Variants in IFT140 observed in about 807,000 individuals in gnomAD.
The protein encoded by IFT140 is intraflagellar transport protein 140 homolog.
A neutral mutation model predicts 164.6 loss-of-function variants in IFT140; 133 were observed. The ratio of observed to expected loss-of-function variants is 0.81; its 90% CI spans 0.70 to 0.93. The LOEUF is 0.93. Ranked by LOEUF, IFT140 falls within the 40% of genes least tolerant of loss-of-function variation. IFT140 has a pLI of 0.00. For synonymous variants in IFT140, 860 were observed against 817.3 expected (o/e 1.05, Z -0.89); for missense variants, 2,045 against 1,972.3 (o/e 1.04, Z -0.70).
chr16:1,524,348 C>G, intron 24 of IFT140: 1 of 694,244 alleles, frequency 1.4e-6, no homozygotes, highest in Non-Finnish European at 2.3e-6. Context: ...GGGGACAATT[C>G]AGTGCTTTGC....
chr16:1,540,477 C>A (rs1407108348), intron 19 of IFT140, among the ~76,000 whole-genome samples: 1 of 152,218 alleles, frequency 6.6e-6, no homozygotes, highest in East Asian at 1.9e-4. Flanking sequence ...CAGGCGTGCT[C>A]TGAGGAGGCA....
chr16:1,595,241 C>CAT (rs1567418045), intron 4 of IFT140, among the ~76,000 whole-genome samples: 1 of 151,916 alleles, frequency 6.6e-6, no homozygotes, highest in Non-Finnish European at 1.5e-5. Context: ...GCCGAGATGG[C>CAT]GCCACTGCAC....
At chr16:1,546,646 G>A (rs1231151834) in intron 19 of IFT140, among the ~76,000 whole-genome samples, 1 of 152,188 alleles carries the variant, frequency 6.6e-6, no homozygotes, top group Non-Finnish European at 1.5e-5. Context: ...TGTCTCCCTC[G>A]GGGGCGCAAA....
chr16:1,534,591 G>T (rs2030869646), intron 19 of IFT140: 1 of 1,596,202 alleles, frequency 6.3e-7, no homozygotes, highest in African/African-American at 1.3e-5. Flanking sequence ...CTTCAGCGTG[G>T]CCGAGGCTCG....
chr16:1,594,689 T>A (rs1392391310), intron 4 of IFT140, among the ~76,000 whole-genome samples: 5 of 151,620 alleles, frequency 3.3e-5, no homozygotes, highest in African/African-American at 4.9e-5. Context: ...GCGAGTGGAG[T>A]TCGGGAAGGG....
At position 1,564,117 on chromosome 16, in the gene IFT140, C is replaced by G; in HGVS notation, c.1947G>C (p.Val649=). The G allele has an allele frequency of 6.3e-7, 1 of 1,592,636 alleles. No homozygotes were observed. The highest frequency in any genetic ancestry group is 1.3e-5 in the African/African-American group (1 of 74,470). ...VDEGLKNYVP[V]NHFWDQSEPR... ...GCTCACTCTGGTCCCAGAAGTGGTTCACGGGAACATAATTTTTCAGTCCCT... is the reference window on the plus strand; with the variant it reads ...GCTCACTCTGGTCCCAGAAGTGGTTGACGGGAACATAATTTTTCAGTCCCT... Residue 649 remains valine (V), a synonymous_variant, in exon 17 of 31, where the codon GTG becomes GTC. Coordinates refer to ENST00000426508, the MANE Select transcript of IFT140 (RefSeq NM_014714.4). The surrounding 1 kb of genome is among the most constrained non-coding windows in gnomAD (Gnocchi z 5.5).
At chr16:1,539,948 A>C (rs2141275104) in intron 19 of IFT140, among the ~76,000 whole-genome samples, 2 of 152,322 alleles carry the variant, frequency 1.3e-5, no homozygotes, top group South Asian at 4.1e-4. Context: ...GGCGCCACCC[A>C]GGCCGGAGCG....
chr16:1,562,066 C>G lies in IFT140; in HGVS notation c.2118G>C (p.Leu706=). ...SFFISEEHGF[L]LHESFPRPAT... is the part of the protein sequence containing the mutation. ...CAGGCCGGGGGAAGCTCTCATGAAG[C>G]AGGAAGCCGTGCTCTTCGGAAATGA... Residue 706 remains leucine (L), a synonymous_variant, in exon 18 of 31, where the codon CTG becomes CTC. Coordinates refer to ENST00000426508, the MANE Select transcript of IFT140 (RefSeq NM_014714.4). 1 of 1,611,916 alleles carries G rather than the reference C, an allele frequency of 6.2e-7. No individual in the cohort carries two copies. The highest frequency in any genetic ancestry group is 8.5e-7 in the Non-Finnish European group (1 of 1,179,100).
intron 13 of IFT140, chr16:1,577,199 G>A (rs982454101): frequency 3.3e-5 from 5 of 152,162 alleles, no homozygotes; most frequent in African/African-American, 1.2e-4. Flanking sequence ...GATATGGACA[G>A]TAGATTCAGG....
intron 13 of IFT140, among the ~76,000 whole-genome samples, chr16:1,572,442 C>G (rs911846737): frequency 6.6e-6 from 1 of 152,076 alleles, no homozygotes; most frequent in Non-Finnish European, 1.5e-5. Flanking sequence ...GTCAGGAGAT[C>G]GAGACCATCC....
chr16:1,524,189 G>A (rs1432159818), intron 24 of IFT140: 2 of 632,902 alleles, frequency 3.2e-6, no homozygotes, highest in Non-Finnish European at 5.4e-6. Flanking sequence ...TGACACGGGA[G>A]ATGCTTCTGG....
At chr16:1,598,571 G>C (rs1039858954) in intron 4 of IFT140, among the ~76,000 whole-genome samples, 1 of 152,230 alleles carries the variant, frequency 6.6e-6, no homozygotes, top group Non-Finnish European at 1.5e-5. Flanking sequence ...AGCTGTTCTG[G>C]ATGAAAACAC....
At chr16:1,609,601 T>G (rs910002239) in intron 2 of IFT140, among the ~76,000 whole-genome samples, 3 of 152,226 alleles carry the variant, frequency 2.0e-5, no homozygotes, top group African/African-American at 4.8e-5. Flanking sequence ...CGGATGAAAC[T>G]TAGCAAGGAG....
chr16:1,520,951 A>G (rs1056921346), intron 26 of IFT140, 143 bp from the exon 27 acceptor site: 7 of 660,438 alleles, frequency 1.1e-5, no homozygotes, highest in Non-Finnish European at 1.3e-5. Flanking sequence ...TGGAGGGGAC[A>G]AGGATGTCTC....
At chr16:1,577,187 T>C (rs544826062) in intron 13 of IFT140, 1 of 152,222 alleles carries the variant, frequency 6.6e-6, no homozygotes, top group South Asian at 2.1e-4. Context: ...GTGGAATTGC[T>C]TGATATGGAC....
chr16:1,520,449 G>A (rs977155797), intron 27 of IFT140, 106 bp from the exon 28 acceptor site: 15 of 1,364,552 alleles, frequency 1.1e-5, no homozygotes, highest in African/African-American at 2.9e-5. Context: ...AGGGCTGCCC[G>A]GTAGAGAGAG....
chr16:1,581,084 C>G (rs967648943), intron 12 of IFT140, among the ~76,000 whole-genome samples: 1 of 152,296 alleles, frequency 6.6e-6, no homozygotes, highest in African/African-American at 2.4e-5. Flanking sequence ...TGTGGAGACT[C>G]CATGCTGGGC....
intron 4 of IFT140, among the ~76,000 whole-genome samples, chr16:1,593,779 C>T (rs1478801614): frequency 6.6e-6 from 1 of 152,096 alleles, no homozygotes; most frequent in Non-Finnish European, 1.5e-5. Flanking sequence ...GCATTGACCT[C>T]GACCACCTGG....
At chr16:1,518,943 C>T (rs1461129258) in intron 29 of IFT140, among the ~76,000 whole-genome samples, 1 of 152,100 alleles carries the variant, frequency 6.6e-6, no homozygotes, top group East Asian at 1.9e-4. Flanking sequence ...GCCCATCTGG[C>T]CACCCACTGA....
Sources: gnomAD v4.1 joint callset for allele counts (sites outside exome capture counted in the v4.1 genomes callset) on GRCh38, gnomAD v4.1.1 for gene constraint, Gnocchi (gnomAD v3.1) non-coding constraint, MANE v1.5 for transcripts, NCBI Gene and HGNC (gene_info 2026-07-23, HGNC 2026-07-21) for gene names.